Variants in CSMD1 observed in about 807,000 individuals in gnomAD.
CSMD1 encodes the protein CUB and Sushi multiple domains 1.
Under a neutral mutation model 417.5 loss-of-function variants are expected in CSMD1, and 213 were observed. The ratio of observed to expected loss-of-function variants is 0.51; its 90% confidence interval spans 0.46 to 0.57. The LOEUF is 0.57. CSMD1 is among the 20% of genes least tolerant of loss of function. The pLI is 0.00. For missense variants in CSMD1, 6,923 were observed against 4,529.7 expected (o/e 1.53, Z -15.17); for synonymous variants, 2,862 against 1,736.8 (o/e 1.65, Z -16.11).
At chr8:3,596,169 C>T (rs11992683) in intron 8 of CSMD1, among the ~76,000 whole-genome samples, 28,532 of 152,078 alleles carry the variant, frequency 0.19, 3,346 homozygotes, top group African/African-American at 0.3. Flanking sequence ...GAGGCAGAGA[C>T]ATGGGAGAAG....
intron 29 of CSMD1, among the ~76,000 whole-genome samples, chr8:3,217,687 T>C (rs1311724138): frequency 2.0e-5 from 3 of 152,190 alleles, no homozygotes; most frequent in African/African-American, 4.8e-5. Context: ...CTCAAAGGCA[T>C]AGGATACTCT....
intron 40 of CSMD1, 57 bp from the exon 41 acceptor site, chr8:3,142,731 G>A: frequency 7.1e-7 from 1 of 1,402,550 alleles, no homozygotes; most frequent in Non-Finnish European, 1.0e-6. Context: ...TAAAATCAAT[G>A]CTCATAAAAA....
intron 26 of CSMD1, among the ~76,000 whole-genome samples, chr8:3,251,846 C>T (rs562647405): frequency 1.2e-3 from 176 of 152,270 alleles, no homozygotes; most frequent in Admixed American, 2.4e-3. Context: ...GCAGTTCACT[C>T]ATGATTTGGC....
chr8:3,519,311 C>T (rs1797405980), intron 10 of CSMD1, among the ~76,000 whole-genome samples: 1 of 152,140 alleles, frequency 6.6e-6, no homozygotes, highest in East Asian at 1.9e-4. Flanking sequence ...ACAGCTTCTA[C>T]TGTTAGCTCC....
chr8:3,530,187 T>C (rs1476119893), intron 10 of CSMD1, among the ~76,000 whole-genome samples: 3 of 152,198 alleles, frequency 2.0e-5, no homozygotes, highest in African/African-American at 7.2e-5. Flanking sequence ...TCTTTATTAA[T>C]TCCTTCTTTC....
At chr8:4,340,165 A>C (rs138255642) in intron 3 of CSMD1, among the ~76,000 whole-genome samples, 35 of 152,120 alleles carry the variant, frequency 2.3e-4, no homozygotes, top group Admixed American at 2.2e-3. Context: ...TATTTTCTTG[A>C]TACCTTTTTT....
rs770109066 is a variant in CSMD1, at chr8:3,018,606, T to C, written c.7900A>G (p.Ile2634Val). The change falls in exon 52 of 70, where the codon ATT becomes GTT. Residue 2634 changes from isoleucine (I) to valine (V), a missense_variant. Coordinates refer to ENST00000635120, the MANE Select transcript of CSMD1 (RefSeq NM_033225.6). ...SLSFPPNGNKIGTLTVYGATA... is the reference protein window; with the variant it reads ...SLSFPPNGNKVGTLTVYGATA... ...GCCCCATAAACTGTCAACGTTCCAA[T>C]CTTGTTGCCATTTGGGGGAAAGGAA... 6.2e-7 allele frequency: 1 copy of C among 1,612,984 alleles called. No homozygotes were observed. The highest frequency in any genetic ancestry group is 1.3e-5 in the African/African-American group (1 of 74,646).
In CSMD1 at chr8:3,632,346, AC is replaced by A. The variant is rs58367526; in HGVS notation, c.1010-15550del. Among the ~76,000 whole-genome samples the A allele has an allele frequency of 7.6e-3, 1,149 of 151,848 alleles. 18 individuals are homozygous for A. The highest frequency in any genetic ancestry group is 0.026 in the African/African-American group (1,074 of 41,428). ...GCCTTCTTGGACCTTCAGCCCTGAC[AC>A]CCCCCCATCCCCACTTAATCCTCAA... On this transcript the variant is annotated intron_variant, in intron 7 of 69. Coordinates refer to ENST00000635120, the MANE Select transcript of CSMD1 (RefSeq NM_033225.6).
At chr8:4,209,310 CTA>C (rs1209448790) in intron 3 of CSMD1, among the ~76,000 whole-genome samples, 2 of 152,168 alleles carry the variant, frequency 1.3e-5, no homozygotes, top group Non-Finnish European at 1.5e-5. Context: ...TGGTTCCCAT[CTA>C]TGAGACATCT....
At chr8:4,066,824 C>A (rs528544244) in intron 3 of CSMD1, among the ~76,000 whole-genome samples, 16 of 152,348 alleles carry the variant, frequency 1.1e-4, no homozygotes, top group South Asian at 4.1e-4. Context: ...AAAGCGACAA[C>A]ACCCACTCAC....
intron 7 of CSMD1, among the ~76,000 whole-genome samples, chr8:3,624,378 G>A (rs1217961506): frequency 2.0e-5 from 3 of 152,160 alleles, no homozygotes; most frequent in South Asian, 2.1e-4. Context: ...TATGTAAGGT[G>A]TCATTTTAAG....
chr8:3,285,239 G>A (rs1379529422), intron 25 of CSMD1, among the ~76,000 whole-genome samples: 2 of 152,176 alleles, frequency 1.3e-5, no homozygotes, highest in African/African-American at 2.4e-5. Flanking sequence ...TATATTACAT[G>A]TTTAAAGAAA....
intron 5 of CSMD1, among the ~76,000 whole-genome samples, chr8:3,886,520 G>C (rs573473685): frequency 6.6e-6 from 1 of 152,212 alleles, no homozygotes; most frequent in Admixed American, 6.5e-5. Context: ...TGCTGCTGAA[G>C]TTTGAAAGCA....
At chr8:3,499,681 C>A (rs1448406967) in intron 10 of CSMD1, among the ~76,000 whole-genome samples, 3 of 151,960 alleles carry the variant, frequency 2.0e-5, no homozygotes, top group Non-Finnish European at 4.4e-5. Context: ...TGCTTGACGA[C>A]TTGTGGTATA....
chr8:4,781,417 C>G (rs73179609), intron 1 of CSMD1, among the ~76,000 whole-genome samples: 1 of 152,146 alleles, frequency 6.6e-6, no homozygotes, highest in African/African-American at 2.4e-5. Flanking sequence ...AGAATGCTTA[C>G]TGTCAGATTT....
intron 8 of CSMD1, among the ~76,000 whole-genome samples, chr8:3,588,285 G>A (rs994502434): frequency 1.3e-5 from 2 of 151,234 alleles, no homozygotes; most frequent in Non-Finnish European, 2.9e-5. Context: ...TAACATAATA[G>A]TTAAGAAAGA....
intron 57 of CSMD1, among the ~76,000 whole-genome samples, chr8:2,969,967 T>C (rs1804300136): frequency 6.6e-6 from 1 of 152,230 alleles, no homozygotes; most frequent in African/African-American, 2.4e-5. Context: ...ATGATATATT[T>C]GAGAAATATT....
chr8:4,889,710 A>G (rs1019647643), intron 1 of CSMD1, among the ~76,000 whole-genome samples: 1 of 152,162 alleles, frequency 6.6e-6, no homozygotes, highest in African/African-American at 2.4e-5. Flanking sequence ...TTAAAAGCAA[A>G]GAAAATTTAC....
At chr8:3,684,164 ATATAT>A (rs1220980273) in intron 7 of CSMD1, among the ~76,000 whole-genome samples, 1 of 142,656 alleles carries the variant, frequency 7.0e-6, no homozygotes, top group Admixed American at 7.4e-5. Context: ...AATTTATATA[ATATAT>A]ATTTACATGT....
Sources: gnomAD v4.1 joint callset for allele counts (sites outside exome capture counted in the v4.1 genomes callset) on GRCh38, gnomAD v4.1.1 for gene constraint, MANE v1.5 for transcripts, NCBI Gene and HGNC (gene_info 2026-07-23, HGNC 2026-07-21) for gene names.